LRP1B: variants seen among roughly 807,000 people sequenced by gnomAD.
The protein encoded by LRP1B is low-density lipoprotein receptor-related protein 1B.
Under a neutral mutation model 556.6 loss-of-function variants are expected in LRP1B, and 217 were observed. That is an observed-to-expected ratio of 0.39 (90% CI 0.35 to 0.44). The LOEUF is 0.44. Among genes scored for constraint, LRP1B ranks in the 20% least tolerant of loss-of-function variants. LRP1B has a pLI of 1.00. For synonymous variants in LRP1B, 2,047 were observed against 1,865.8 expected (o/e 1.10, Z -2.50); for missense variants, 5,053 against 5,620.8 (o/e 0.90, Z 3.23).
chr2:140,241,855 T>C (rs1205732494), intron 87 of LRP1B, among the ~76,000 whole-genome samples: 3 of 150,984 alleles, frequency 2.0e-5, no homozygotes, highest in Admixed American at 6.6e-5. Flanking sequence ...TCAATCCCTA[T>C]TGCAGGTCAT....
chr2:140,466,763 G>C (rs1687565588), intron 60 of LRP1B, among the ~76,000 whole-genome samples: 1 of 151,872 alleles, frequency 6.6e-6, no homozygotes, highest in Non-Finnish European at 1.5e-5. Context: ...CAATTTATTG[G>C]AACAAATAAA....
chr2:140,601,746 C>A (rs1488099589), intron 41 of LRP1B, 107 bp from the exon 42 acceptor site: 2 of 602,592 alleles, frequency 3.3e-6, no homozygotes, highest in Non-Finnish European at 2.6e-6. Context: ...ATTTCATCAA[C>A]CATTTCTCCA....
intron 43 of LRP1B, among the ~76,000 whole-genome samples, chr2:140,549,605 C>T (rs1680471116): frequency 2.0e-5 from 3 of 152,204 alleles, no homozygotes; most frequent in Admixed American, 2.0e-4. Context: ...AAGTAAAATA[C>T]TATTTTTACT....
intron 35 of LRP1B, among the ~76,000 whole-genome samples, chr2:140,720,988 C>T (rs923957530): frequency 2.0e-5 from 3 of 152,074 alleles, no homozygotes; most frequent in Non-Finnish European, 4.4e-5. Context: ...GAACATTTCA[C>T]AAAGTTGCTT....
chr2:141,517,027 A>AAAAAAAG (rs1559116535), intron 2 of LRP1B, among the ~76,000 whole-genome samples: 2 of 136,932 alleles, frequency 1.5e-5, no homozygotes, highest in African/African-American at 6.0e-5. Context: ...AAAAAAAAAA[A>AAAAAAAG]AAAAAGTAAA....
intron 2 of LRP1B, among the ~76,000 whole-genome samples, chr2:141,526,788 C>G (rs1684706406): frequency 6.6e-6 from 1 of 152,030 alleles, no homozygotes; most frequent in East Asian, 1.9e-4. Context: ...CTTCCCAGAA[C>G]AGTACTGCTA....
chr2:140,967,910 A>G (rs1696282492), intron 18 of LRP1B, among the ~76,000 whole-genome samples: 1 of 151,112 alleles, frequency 6.6e-6, no homozygotes, highest in South Asian at 2.1e-4. Context: ...CATGGTGGAT[A>G]AGCTTTTTGA....
At chr2:140,749,426 G>T (rs982985646) in intron 35 of LRP1B, among the ~76,000 whole-genome samples, 11 of 151,014 alleles carry the variant, frequency 7.3e-5, no homozygotes, top group African/African-American at 2.7e-4. Context: ...TGACCACATT[G>T]TACAGCTGTA....
chr2:140,843,317 C>T lies in LRP1B; in HGVS notation c.4940-2225G>A, dbSNP rs1289900671. On this transcript the variant is annotated intron_variant, in intron 29 of 90. Transcript: ENST00000389484. ...AAATCTCTTTCCAGCTTTAATATTA[C>T]AATAGTATCCAGCATTTCCTCCTCT... 5.9e-5 allele frequency among the ~76,000 whole-genome samples: 9 copies of T among 152,028 alleles called. No individual in the cohort carries two copies. The South Asian group carries it at 1.2e-3, about 21-fold the overall frequency.
intron 2 of LRP1B, among the ~76,000 whole-genome samples, chr2:141,654,278 C>T (rs1239744126): frequency 6.6e-6 from 1 of 151,990 alleles, no homozygotes; most frequent in Non-Finnish European, 1.5e-5. Context: ...ACCATCAGAC[C>T]CTTTGTAAAG....
At chr2:141,169,050 C>A (rs1434782730) in intron 7 of LRP1B, among the ~76,000 whole-genome samples, 1 of 151,684 alleles carries the variant, frequency 6.6e-6, no homozygotes, top group Non-Finnish European at 1.5e-5. Context: ...TTTTGGGAGG[C>A]CAATGTGGGT....
chr2:141,363,025 C>A (rs1688889797), intron 3 of LRP1B, among the ~76,000 whole-genome samples: 1 of 152,026 alleles, frequency 6.6e-6, no homozygotes, highest in Non-Finnish European at 1.5e-5. Context: ...TTTTTATTGC[C>A]CAATCATAAA....
chr2:140,653,205 T>C (rs1012568042), intron 41 of LRP1B, among the ~76,000 whole-genome samples: 9 of 152,036 alleles, frequency 5.9e-5, no homozygotes, highest in Admixed American at 2.0e-4. Flanking sequence ...AATAGAATGA[T>C]GGAAGACAAA....
intron 1 of LRP1B, among the ~76,000 whole-genome samples, chr2:142,037,408 T>C (rs2105208639): frequency 6.6e-6 from 1 of 151,566 alleles, no homozygotes; most frequent in Non-Finnish European, 1.5e-5. Context: ...AGGTAGAGAA[T>C]CACTTAAGGG....
chr2:140,247,346 G>T (rs889394811), intron 86 of LRP1B, among the ~76,000 whole-genome samples, 184 bp from the exon 87 acceptor site: 1 of 151,538 alleles, frequency 6.6e-6, no homozygotes, highest in African/African-American at 2.4e-5. Flanking sequence ...AACTTTCATT[G>T]GACTTCCTTT....
At position 140,702,178 on chromosome 2, in the gene LRP1B, C is replaced by G. The variant is rs181185719; in HGVS notation, c.6265G>C (p.Val2089Leu). The stretch of plus-strand genomic sequence containing the variant: ...TAGATGTAAGCCCCAAAGACTGCAA[C>G]TGAAAACATATCCACATTGCTTCCT... ...LSGSNVDMFS[V>L]AVFGAYIYWS... The change falls in exon 39 of 91, where the codon GTT (valine) becomes CTT (leucine). Residue 2089 changes from valine (V) to leucine (L), a missense_variant. Physicochemically the swap from Val to Leu is conservative, Grantham distance 32. Around this residue, in one of 5 missense-constraint regions of LRP1B, gnomAD observed 3,619 missense variants for 3,931.9 expected, o/e 0.92. Transcript: ENST00000389484. 8 of 1,613,614 alleles carry G rather than the reference C, an allele frequency of 5.0e-6. No individual in the cohort carries two copies. In the African/African-American group the frequency reaches 8.0e-5, roughly 16 times the overall value.
chr2:140,525,321 C>T (rs1030390487), intron 49 of LRP1B, among the ~76,000 whole-genome samples: 2 of 151,776 alleles, frequency 1.3e-5, no homozygotes, highest in Middle Eastern at 3.4e-3. Context: ...ATGTAGATGA[C>T]AGTTTTCAGG....
chr2:141,618,126 G>A (rs2105331880), intron 2 of LRP1B, among the ~76,000 whole-genome samples: 1 of 152,256 alleles, frequency 6.6e-6, no homozygotes, highest in Middle Eastern at 3.4e-3. Flanking sequence ...GGTCTGAGGG[G>A]ACGGAGAAAG....
intron 1 of LRP1B, among the ~76,000 whole-genome samples, chr2:142,046,092 A>G (rs1246279505): frequency 6.6e-6 from 1 of 151,914 alleles, no homozygotes; most frequent in Non-Finnish European, 1.5e-5. Flanking sequence ...GAGACCAAAA[A>G]AAGTACTAAA....
Sources: gnomAD v4.1 joint callset for allele counts (sites outside exome capture counted in the v4.1 genomes callset) on GRCh38, gnomAD v4.1.1 for gene constraint, gnomAD v4.1.1 regional missense constraint, MANE v1.5 for transcripts, NCBI Gene and HGNC (gene_info 2026-07-23, HGNC 2026-07-21) for gene names.